ZNF804B: variants seen among roughly 807,000 people sequenced by gnomAD.
The protein encoded by ZNF804B is zinc finger protein 804B.
ZNF804B carries 80 observed loss-of-function variants against 101.4 expected under a neutral mutation model. The observed-to-expected ratio is 0.79, with a 90% CI of 0.66 to 0.95. The LOEUF (loss-of-function observed/expected upper bound fraction) is 0.95, where lower values mean the gene tolerates loss of function less well. Among genes scored for constraint, ZNF804B ranks in the 40% least tolerant of loss-of-function variants. The probability of loss-of-function intolerance (pLI) is 0.00; values close to 1 mark genes in which losing one functional copy is unlikely to be tolerated. For missense variants in ZNF804B, 1,673 were observed against 1,561.9 expected, an observed-to-expected ratio of 1.07 and a Z score of -1.20; for synonymous variants, 622 against 558.8, an observed-to-expected ratio of 1.11 and a Z score of -1.59.
At chr7:89,236,332 GGA>G (rs1215647534) in intron 2 of ZNF804B, among the ~76,000 whole-genome samples, 3 of 152,084 alleles carry the variant, frequency 2.0e-5, no homozygotes, top group Middle Eastern at 3.4e-3. Context: ...GGTGAGAAGA[GGA>G]GAGCATGTAA....
chr7:88,898,936 A>G (rs1792348333), intron 1 of ZNF804B, among the ~76,000 whole-genome samples: 1 of 152,162 alleles, frequency 6.6e-6, no homozygotes, highest in Admixed American at 6.5e-5. Flanking sequence ...TGGGTCCTGA[A>G]TGGTCACAGT....
chr7:89,060,926 G>A (rs1789370403), intron 1 of ZNF804B, among the ~76,000 whole-genome samples: 1 of 152,112 alleles, frequency 6.6e-6, no homozygotes, highest in African/African-American at 2.4e-5. Flanking sequence ...ACTGCATATG[G>A]AGTGGTGACA....
intron 1 of ZNF804B, among the ~76,000 whole-genome samples, chr7:88,918,418 C>T (rs558755726): frequency 6.6e-6 from 1 of 152,094 alleles, no homozygotes; most frequent in Non-Finnish European, 1.5e-5. Flanking sequence ...CAAGGAACAT[C>T]TGTTACATTA....
intron 1 of ZNF804B, among the ~76,000 whole-genome samples, chr7:88,872,058 T>G (rs1172665292): frequency 6.6e-6 from 1 of 152,224 alleles, no homozygotes; most frequent in Non-Finnish European, 1.5e-5. Context: ...CATGGTGAAC[T>G]GTGTTTTGTA....
At chr7:88,949,784 T>C (rs529664424) in intron 1 of ZNF804B, among the ~76,000 whole-genome samples, 2 of 152,082 alleles carry the variant, frequency 1.3e-5, no homozygotes, top group African/African-American at 2.4e-5. Flanking sequence ...TACTGTTCCT[T>C]ATGTTTAGAT....
chr7:89,083,499 A>T (rs562807358), intron 1 of ZNF804B, among the ~76,000 whole-genome samples: 1 of 151,438 alleles, frequency 6.6e-6, no homozygotes, highest in East Asian at 1.9e-4. Flanking sequence ...AATGGCATTG[A>T]TTATTATTGT....
At chr7:88,877,041 ATATATATATTTTTTTTTTT>A (rs1791959823) in intron 1 of ZNF804B, among the ~76,000 whole-genome samples, 1 of 43,986 alleles carries the variant, frequency 2.3e-5, no homozygotes, top group African/African-American at 1.2e-4. Context: ...ATATATATAT[ATATATATATTTTTTTTTTT>A]TTTTTTTTTT....
chr7:89,055,010 C>A (rs1279063853), intron 1 of ZNF804B, among the ~76,000 whole-genome samples: 2 of 151,980 alleles, frequency 1.3e-5, no homozygotes, highest in Non-Finnish European at 2.9e-5. Context: ...ACTCAAATAC[C>A]AAAATTTAAG....
intron 1 of ZNF804B, among the ~76,000 whole-genome samples, chr7:88,808,305 C>A (rs1002722963): frequency 2.6e-4 from 39 of 151,514 alleles, no homozygotes; most frequent in African/African-American, 8.7e-4. Context: ...TCACTTGAAC[C>A]CAGGAGACGG....
chr7:88,990,850 C>A (rs1793834691), intron 1 of ZNF804B, among the ~76,000 whole-genome samples: 1 of 152,018 alleles, frequency 6.6e-6, no homozygotes, highest in Non-Finnish European at 1.5e-5. Context: ...AATTTTTGAG[C>A]CCTATTATAC....
At position 89,325,649 on chromosome 7, in the gene ZNF804B, A is replaced by G. The variant is rs564600075; in HGVS notation, c.250-1695A>G. 1.6e-3 allele frequency among the ~76,000 whole-genome samples: 236 copies of G among 152,136 alleles called. 1 individual carries two copies. The highest frequency in any genetic ancestry group is 2.9e-3 in the Non-Finnish European group (196 of 67,928). The stretch of plus-strand genomic sequence containing the variant: ...GAGGTACCCCAAATTTTCAAACAGG[A>G]TTCCAAAAATGAGTCAAGTGTCAAT... On this transcript the variant is annotated intron_variant, in intron 2 of 3. Transcript: ENST00000333190.
At chr7:88,772,343 G>T (rs1384167366) in intron 1 of ZNF804B, among the ~76,000 whole-genome samples, 1 of 152,120 alleles carries the variant, frequency 6.6e-6, no homozygotes, top group East Asian at 1.9e-4. Flanking sequence ...CTGTGGATTT[G>T]TTGTTGTTTT....
At chr7:88,913,764 T>C (rs1464737353) in intron 1 of ZNF804B, among the ~76,000 whole-genome samples, 1 of 152,220 alleles carries the variant, frequency 6.6e-6, no homozygotes, top group East Asian at 1.9e-4. Context: ...ATGACACAAG[T>C]GTATATGCGG....
intron 1 of ZNF804B, among the ~76,000 whole-genome samples, chr7:89,029,704 T>C (rs1358130051): frequency 1.3e-5 from 2 of 152,172 alleles, no homozygotes; most frequent in African/African-American, 4.8e-5. Context: ...CAGATTGACC[T>C]TTTGATTACC....
intron 1 of ZNF804B, among the ~76,000 whole-genome samples, chr7:89,041,434 G>A (rs1004950367): frequency 6.6e-6 from 1 of 152,190 alleles, no homozygotes; most frequent in Non-Finnish European, 1.5e-5. Flanking sequence ...GTGTGTAGGA[G>A]TTGGCCTGGG....
chr7:89,295,505 A>G (rs954981301), intron 2 of ZNF804B, among the ~76,000 whole-genome samples: 4 of 152,030 alleles, frequency 2.6e-5, no homozygotes, highest in Non-Finnish European at 4.4e-5. Flanking sequence ...TGTTTCCATC[A>G]GTTTCTCTTA....
intron 1 of ZNF804B, among the ~76,000 whole-genome samples, chr7:88,961,934 A>G (rs1351537273): frequency 6.6e-6 from 1 of 151,302 alleles, no homozygotes; most frequent in East Asian, 2.0e-4. Flanking sequence ...ACCAAACAGT[A>G]AAGTTTTTAA....
intron 1 of ZNF804B, among the ~76,000 whole-genome samples, chr7:88,919,421 C>T (rs182481554): frequency 9.0e-4 from 137 of 151,974 alleles, no homozygotes; most frequent in African/African-American, 3.2e-3. Flanking sequence ...AATAAAGGCA[C>T]GATGATAAAG....
At chr7:88,863,078 T>C (rs1791674343) in intron 1 of ZNF804B, among the ~76,000 whole-genome samples, 1 of 152,180 alleles carries the variant, frequency 6.6e-6, no homozygotes, top group South Asian at 2.1e-4. Flanking sequence ...CGCCTCTCCT[T>C]CTAGCTTCAT....
Sources: allele counts gnomAD v4.1 joint callset (sites outside exome capture counted in the v4.1 genomes callset), GRCh38; gene constraint gnomAD v4.1.1; transcripts MANE v1.5; gene names NCBI Gene and HGNC (gene_info 2026-07-23, HGNC 2026-07-21).